The following LRMDA variants were observed in gnomAD, a reference collection of about 807,000 sequenced individuals.
LRMDA encodes the protein leucine rich melanocyte differentiation associated.
LRMDA carries 18 observed loss-of-function variants against 29.8 expected under a neutral mutation model. The observed-to-expected ratio is 0.60, with a 90% confidence interval of 0.42 to 0.90. The LOEUF is 0.90. Among genes scored for constraint, LRMDA ranks in the 40% least tolerant of loss-of-function variants. The probability of loss-of-function intolerance (pLI) is 0.00; values close to 1 mark genes in which losing one functional copy is unlikely to be tolerated. For missense variants in LRMDA, 273 were observed against 273.9 expected, an observed-to-expected ratio of 1.00 and a Z score of 0.02; for synonymous variants, 125 against 109.4, an observed-to-expected ratio of 1.14 and a Z score of -0.89.
intron 6 of LRMDA, among the ~76,000 whole-genome samples, chr10:76,385,972 A>G (rs920142958): frequency 4.6e-5 from 7 of 152,330 alleles, no homozygotes; most frequent in Admixed American, 2.6e-4. Context: ...TTTTACTGTA[A>G]CAAGTAGCAA....
Position 76,377,097 on chromosome 10 carries a change from A to G in LRMDA, c.601+52612A>G, listed in dbSNP as rs138489169. On this transcript the variant is annotated intron_variant, in intron 6 of 6. Transcript: ENST00000611255. Reference sequence around the variant, plus strand: ...AGACAGGGTTTCACCGTGTTAGCCAATATGGTCTCAATCTCCTGACCTCAT... The same window carrying G: ...AGACAGGGTTTCACCGTGTTAGCCAGTATGGTCTCAATCTCCTGACCTCAT... Among the ~76,000 whole-genome samples, 1,099 of 151,618 alleles carry G rather than the reference A, an allele frequency of 7.2e-3. 7 individuals are homozygous for G. Among genetic ancestry groups the G allele is most frequent in the Non-Finnish European group, 9.0e-3 (609 of 67,848 alleles).
intron 6 of LRMDA, among the ~76,000 whole-genome samples, chr10:76,520,948 A>C (rs1011004253): frequency 6.6e-6 from 1 of 152,158 alleles, no homozygotes; most frequent in East Asian, 1.9e-4. Context: ...AAACTCATAG[A>C]ACATTTGATA....
chr10:75,439,994 C>T (rs1433506087), intron 2 of LRMDA, among the ~76,000 whole-genome samples: 5 of 151,458 alleles, frequency 3.3e-5, no homozygotes, highest in African/African-American at 7.3e-5. Flanking sequence ...TAGTGGGAGC[C>T]GGATGTGGAT....
chr10:75,967,727 C>A (rs558698099), intron 2 of LRMDA, among the ~76,000 whole-genome samples: 1 of 151,066 alleles, frequency 6.6e-6, no homozygotes, highest in South Asian at 2.1e-4. Context: ...GGCACAGAAC[C>A]GGCAAGGTCA....
At chr10:75,518,393 A>G (rs1845318433) in intron 2 of LRMDA, among the ~76,000 whole-genome samples, 2 of 152,186 alleles carry the variant, frequency 1.3e-5, no homozygotes, top group African/African-American at 2.4e-5. Flanking sequence ...TTATTGTTCT[A>G]TTAAGAGATT....
intron 2 of LRMDA, among the ~76,000 whole-genome samples, chr10:75,945,000 C>T (rs971716514): frequency 4.6e-5 from 7 of 152,052 alleles, no homozygotes; most frequent in Non-Finnish European, 1.0e-4. Flanking sequence ...TTAAAAAAAA[C>T]TCTTGACTAT....
chr10:75,446,084 G>C (rs1349284753), intron 2 of LRMDA, among the ~76,000 whole-genome samples: 1 of 152,258 alleles, frequency 6.6e-6, no homozygotes, highest in African/African-American at 2.4e-5. Context: ...TACTGTCAGA[G>C]CTGCTTTGAG....
intron 2 of LRMDA, among the ~76,000 whole-genome samples, chr10:76,015,607 C>CCACACTT (rs1671900901): frequency 6.6e-6 from 1 of 152,112 alleles, no homozygotes; most frequent in Non-Finnish European, 1.5e-5. Flanking sequence ...AGAAGCAAGT[C>CCACACTT]GAGAGGTCCA....
chr10:76,092,725 C>A (rs1849249962), intron 5 of LRMDA, among the ~76,000 whole-genome samples: 1 of 152,090 alleles, frequency 6.6e-6, no homozygotes, highest in Non-Finnish European at 1.5e-5. Context: ...TGATTAAAAG[C>A]AAGTGTGTAT....
chr10:75,647,901 G>A lies in LRMDA; in HGVS notation c.131+209407G>A, dbSNP rs142829863. On this transcript the variant is annotated intron_variant, in intron 2 of 6. Transcript: ENST00000611255. ...ACCACCCCTACCCACACCAAACCAC[G>A]AGAGTCAGGAGAGTGAAGTTCTGGA... Among the ~76,000 whole-genome samples the A allele has an allele frequency of 1.3e-3, 194 of 152,172 alleles. 2 individuals carry two copies. Among genetic ancestry groups the A allele is most frequent in the Middle Eastern group, 0.01 (3 of 294 alleles).
chr10:76,077,992 A>ATTTT lies in LRMDA; in HGVS notation c.516+19242_516+19245dup, dbSNP rs756023731. The stretch of plus-strand genomic sequence containing the variant: ...TCCTACCCCTAACTGCAATATTAAC[A>ATTTT]TTTTTTTTTTTTTTTTTTTTTTTTT... On this transcript the variant is annotated intron_variant, in intron 5 of 6. Coordinates refer to ENST00000611255, the MANE Select transcript of LRMDA (RefSeq NM_001305581.2). Among the ~76,000 whole-genome samples, 129 of 48,084 alleles carry ATTTT rather than the reference A, an allele frequency of 2.7e-3. 30 individuals carry two copies. Among genetic ancestry groups the ATTTT allele is most frequent in the Non-Finnish European group, 3.9e-3 (107 of 27,526 alleles). 31.5% of individuals were successfully genotyped at this position (48,084 alleles called of 152,430 possible). A position where few individuals can be genotyped will look rare whatever the true frequency, so the allele number is the denominator to read the frequency against.
At position 75,711,009 on chromosome 10, in the gene LRMDA, G is replaced by A. The variant is rs1398426999; in HGVS notation, c.131+272515G>A. Among the ~76,000 whole-genome samples the A allele has an allele frequency of 2.0e-5, 3 of 152,212 alleles. No individual in the cohort carries two copies. In the South Asian group the frequency reaches 6.2e-4, roughly 32 times the overall value. ...CAAAGCCTTCTGGAAAGTTCTCTTG[G>A]TTTGTTTGTGGAAGCGGTCTCACAG... On this transcript the variant is annotated intron_variant, in intron 2 of 6. Coordinates refer to ENST00000611255, the MANE Select transcript of LRMDA (RefSeq NM_001305581.2).
At position 76,498,465 on chromosome 10, in the gene LRMDA, C is replaced by T. The variant is rs1376355874; in HGVS notation, c.602-58744C>T. On this transcript the variant is annotated intron_variant, in intron 6 of 6. Coordinates refer to ENST00000611255, the MANE Select transcript of LRMDA (RefSeq NM_001305581.2). ...AGGCAACAAGAGATAGAATGTGGGC[C>T]TGCAAAAGGTACCACCTGTATACAT... Among the ~76,000 whole-genome samples the T allele has an allele frequency of 9.3e-5, 7 of 75,418 alleles. 2 individuals are homozygous for T. The highest frequency in any genetic ancestry group is 2.3e-4 in the African/African-American group (7 of 31,016). 49.5% of individuals were successfully genotyped at this position (75,418 alleles called of 152,430 possible).
chr10:76,063,687 T>C (rs1406306715), intron 5 of LRMDA, among the ~76,000 whole-genome samples: 1 of 152,154 alleles, frequency 6.6e-6, no homozygotes, highest in African/African-American at 2.4e-5. Context: ...CTCTTATTCT[T>C]TTCCCCTAAA....
intron 4 of LRMDA, among the ~76,000 whole-genome samples, chr10:76,055,843 C>G (rs1279185171): frequency 6.6e-6 from 1 of 152,206 alleles, no homozygotes; most frequent in Admixed American, 6.5e-5. Context: ...CCACAGAGCC[C>G]CAAAGAGGGT....
intron 2 of LRMDA, among the ~76,000 whole-genome samples, chr10:75,544,635 C>G (rs981233924): frequency 3.9e-5 from 6 of 152,138 alleles, no homozygotes. Context: ...TAAACACTTC[C>G]TGCTGCATTG....
intron 2 of LRMDA, among the ~76,000 whole-genome samples, chr10:75,936,681 G>T (rs970177364): frequency 6.6e-6 from 1 of 152,088 alleles, no homozygotes; most frequent in Non-Finnish European, 1.5e-5. Flanking sequence ...CTTACTTTAT[G>T]GTTCATAGAC....
At chr10:75,816,535 G>C (rs1475428448) in intron 2 of LRMDA, among the ~76,000 whole-genome samples, 1 of 152,140 alleles carries the variant, frequency 6.6e-6, no homozygotes, top group Admixed American at 6.5e-5. Context: ...TTCCCAAAAG[G>C]GTAAAAGGAA....
chr10:75,563,636 C>A (rs1423327287), intron 2 of LRMDA, among the ~76,000 whole-genome samples: 1 of 152,102 alleles, frequency 6.6e-6, no homozygotes, highest in African/African-American at 2.4e-5. Flanking sequence ...TTTTACTGTT[C>A]TGTTTTTTCC....
Sources: gnomAD v4.1 joint callset for allele counts (sites outside exome capture counted in the v4.1 genomes callset) on GRCh38, gnomAD v4.1.1 for gene constraint, MANE v1.5 for transcripts, NCBI Gene and HGNC (gene_info 2026-07-23, HGNC 2026-07-21) for gene names.